The following ANK3 variants were observed in gnomAD, a reference collection of about 807,000 sequenced individuals.
ANK3 encodes ankyrin 3.
Under a neutral mutation model 370.9 loss-of-function variants are expected in ANK3, and 57 were observed. That is an observed-to-expected ratio of 0.15 (90% CI 0.12 to 0.19). The LOEUF (loss-of-function observed/expected upper bound fraction) is 0.19, where lower values mean the gene tolerates loss of function less well. Ranked by LOEUF, ANK3 falls within the 10% of genes least tolerant of loss-of-function variation. The probability of loss-of-function intolerance (pLI) is 1.00; values close to 1 mark genes in which losing one functional copy is unlikely to be tolerated. For missense variants in ANK3, 4,439 were observed against 5,302.1 expected, an observed-to-expected ratio of 0.84 and a Z score of 5.06; for synonymous variants, 1,929 against 1,946.3, an observed-to-expected ratio of 0.99 and a Z score of 0.23.
chr10:60,322,029 T>C (rs530313727), intron 1 of ANK3, among the ~76,000 whole-genome samples: 1 of 152,314 alleles, frequency 6.6e-6, no homozygotes, highest in African/African-American at 2.4e-5. Context: ...TGTAGTGCCC[T>C]ATGGTGATAA....
intron 28 of ANK3, among the ~76,000 whole-genome samples, chr10:60,093,032 G>A (rs575013845): frequency 6.6e-4 from 101 of 152,256 alleles, no homozygotes; most frequent in African/African-American, 2.2e-3. Flanking sequence ...CACTGCACCC[G>A]GCCAGAATTT....
At chr10:60,097,702 G>A (rs1306544756) in intron 28 of ANK3, among the ~76,000 whole-genome samples, 1 of 152,068 alleles carries the variant, frequency 6.6e-6, no homozygotes, top group African/African-American at 2.4e-5. Flanking sequence ...TCACTCTTAT[G>A]GGCACACAAT....
chr10:60,485,336 T>A (rs1409792234), intron 2 of ANK3, among the ~76,000 whole-genome samples: 1 of 152,190 alleles, frequency 6.6e-6, no homozygotes, highest in East Asian at 1.9e-4. Flanking sequence ...CAAGTCCTAC[T>A]GATGGAACAG....
At chr10:60,171,491 G>C (rs971379629) in intron 21 of ANK3, among the ~76,000 whole-genome samples, 1 of 152,196 alleles carries the variant, frequency 6.6e-6, no homozygotes, top group African/African-American at 2.4e-5. Context: ...AAAGGGGACA[G>C]AGCTGATAAT....
intron 1 of ANK3, among the ~76,000 whole-genome samples, chr10:60,716,771 C>T (rs1026788011): frequency 1.3e-5 from 2 of 152,164 alleles, no homozygotes; most frequent in Non-Finnish European, 2.9e-5. Context: ...CTGCCTTGGC[C>T]TCCCAAAGTG....
rs1366702740 is a variant in ANK3 at position 60,083,833 on chromosome 10, A to G, written c.4075-216T>C. On this transcript the variant is annotated intron_variant, in intron 32 of 43. Coordinates refer to ENST00000280772, the MANE Select transcript of ANK3 (RefSeq NM_020987.5). ...TCCATATCATGGACATATACAGAAC[A>G]GAATTACACATTTATTTTTATTCTG... is the stretch of plus-strand genomic sequence containing the variant. The G allele has an allele frequency of 8.0e-6, 3 of 373,996 alleles. No individual in the cohort carries two copies. The East Asian group carries it at 1.3e-4, about 16-fold the overall frequency. 23.2% of individuals were successfully genotyped at this position (373,996 alleles called of 1,614,324 possible).
At chr10:60,531,759 C>G (rs1478796213) in intron 2 of ANK3, among the ~76,000 whole-genome samples, 1 of 152,026 alleles carries the variant, frequency 6.6e-6, no homozygotes, top group Non-Finnish European at 1.5e-5. Flanking sequence ...CTCAGAAGTT[C>G]GTATTGCAGT....
intron 28 of ANK3, among the ~76,000 whole-genome samples, chr10:60,100,998 C>G (rs1211444650): frequency 6.6e-6 from 1 of 152,132 alleles, no homozygotes; most frequent in Non-Finnish European, 1.5e-5. Flanking sequence ...CCAGGCTGAG[C>G]TCCTGAAATC....
chr10:60,643,522 A>G (rs2078665735), intron 1 of ANK3, among the ~76,000 whole-genome samples: 1 of 151,666 alleles, frequency 6.6e-6, no homozygotes, highest in African/African-American at 2.4e-5. Flanking sequence ...CTATCTATCT[A>G]TCTATCTATC....
chr10:60,250,748 T>A (rs913545611), intron 7 of ANK3, among the ~76,000 whole-genome samples: 21 of 152,224 alleles, frequency 1.4e-4, no homozygotes, highest in African/African-American at 4.8e-4. Context: ...ATATATATCA[T>A]ATGCTTTTGT....
chr10:60,395,184 C>G lies in ANK3; in HGVS notation c.97-115545G>C, dbSNP rs1296555698. 2.0e-5 allele frequency among the ~76,000 whole-genome samples: 3 copies of G among 152,048 alleles called. No homozygotes were observed. The East Asian group carries it at 5.8e-4, about 29-fold the overall frequency. On this transcript the variant is annotated intron_variant, in intron 2 of 43. Coordinates refer to the ANK3 transcript ENST00000373827. Reference sequence around the variant, plus strand: ...TAACATACAGATCAAATATTTCTGACAAAAATTTTGCATCCAAATTGAGAC... The same window carrying G: ...TAACATACAGATCAAATATTTCTGAGAAAAATTTTGCATCCAAATTGAGAC...
chr10:60,423,826 C>A (rs950338686), intron 2 of ANK3, among the ~76,000 whole-genome samples: 1 of 151,978 alleles, frequency 6.6e-6, no homozygotes, highest in Non-Finnish European at 1.5e-5. Context: ...TTGGTAGTAT[C>A]CCTGTGCAAG....
At chr10:60,319,607 C>G (rs989183856) in intron 1 of ANK3, among the ~76,000 whole-genome samples, 1 of 152,166 alleles carries the variant, frequency 6.6e-6, no homozygotes, top group Non-Finnish European at 1.5e-5. Flanking sequence ...CAACAAGTAC[C>G]TAATGATCAC....
In ANK3 at chr10:60,090,860, T is replaced by C. The variant is rs543123605; in HGVS notation, c.3329-2502A>G. On this transcript the variant is annotated intron_variant, in intron 28 of 43. Transcript: ENST00000280772. ...TTTTTAACAGTGTAACTGGGCATCA[T>C]CTATTCAAATTGAAAATGCACCTAC... Among the ~76,000 whole-genome samples, 6 of 152,302 alleles carry C rather than the reference T, an allele frequency of 3.9e-5. No individual in the cohort carries two copies. The East Asian group carries it at 1.2e-3, about 29-fold the overall frequency.
intron 8 of ANK3, among the ~76,000 whole-genome samples, chr10:60,224,917 T>G (rs1039612025): frequency 7.8e-5 from 11 of 141,404 alleles, no homozygotes. Context: ...TTCTTTCTTT[T>G]TTTTTTCTTT....
chr10:60,270,875 CT>C (rs2097965416), intron 4 of ANK3, among the ~76,000 whole-genome samples: 1 of 152,024 alleles, frequency 6.6e-6, no homozygotes, highest in East Asian at 1.9e-4. Flanking sequence ...GGCCTCCTTT[CT>C]TTGTGTTTTT....
At chr10:60,319,696 A>G (rs1049608130) in intron 1 of ANK3, among the ~76,000 whole-genome samples, 1 of 152,172 alleles carries the variant, frequency 6.6e-6, no homozygotes, top group African/African-American at 2.4e-5. Context: ...GTAACTGGCA[A>G]AGTGTTTAGA....
chr10:60,373,626 A>G (rs533038924), intron 1 of ANK3, among the ~76,000 whole-genome samples: 3 of 152,256 alleles, frequency 2.0e-5, no homozygotes, highest in Non-Finnish European at 4.4e-5. Flanking sequence ...CTCCTAGAGG[A>G]AAAAAAGTGA....
intron 1 of ANK3, among the ~76,000 whole-genome samples, chr10:60,328,411 G>C (rs2050393653): frequency 6.6e-6 from 1 of 152,082 alleles, no homozygotes; most frequent in South Asian, 2.1e-4. Context: ...ATACTTAGGA[G>C]CAATTGTAAG....
Sources: gnomAD v4.1 joint callset for allele counts (sites outside exome capture counted in the v4.1 genomes callset) on GRCh38, gnomAD v4.1.1 for gene constraint, MANE v1.5 for transcripts, NCBI Gene and HGNC (gene_info 2026-07-23, HGNC 2026-07-21) for gene names.